Variants in FAM3A observed in about 807,000 individuals in gnomAD.
The protein encoded by FAM3A is protein FAM3A.
In FAM3A, 5 loss-of-function variants were observed where a neutral mutation model predicts 18.1. The observed-to-expected ratio is 0.28, with a 90% CI of 0.14 to 0.58. The LOEUF is 0.58. FAM3A is among the 20% of genes least tolerant of loss of function. The probability of loss-of-function intolerance (pLI) is 0.91; values close to 1 mark genes in which losing one functional copy is unlikely to be tolerated. For missense variants in FAM3A, 154 were observed against 216.6 expected, an observed-to-expected ratio of 0.71 and a Z score of 1.81; for synonymous variants, 108 against 90.2, an observed-to-expected ratio of 1.20 and a Z score of -1.12.
chrX:154,508,714 G>A, intron 3 of FAM3A, 117 bp from the exon 4 acceptor site: 2 of 907,538 alleles, frequency 2.2e-6, no homozygotes, highest in Non-Finnish European at 3.1e-6. Flanking sequence ...CAGGACACAA[G>A]TAGGGGGATG....
chrX:154,507,130 G>A, intron 8 of FAM3A, 73 bp downstream of exon 8: 1 of 1,139,732 alleles, frequency 8.8e-7, no homozygotes, highest in African/African-American at 1.8e-5. Flanking sequence ...GAGCAGCTGG[G>A]GAGGCTCGTC....
At position 154,506,842 on chromosome X, in the gene FAM3A, C is replaced by CCT; in HGVS notation, c.660_661dup (p.Gly221GlufsTer161). The CCT allele has an allele frequency of 8.3e-7, 1 of 1,211,610 alleles. No homozygotes were observed. The highest frequency in any genetic ancestry group is 1.1e-6 in the Non-Finnish European group (1 of 895,044). On this transcript the variant is annotated frameshift_variant, in exon 9 of 9. Transcript: ENST00000447601. LOFTEE classifies it high-confidence loss of function. The stretch of plus-strand genomic sequence containing the variant: ...GGCCGTGCTTCTCCGCGGGATACAG[C>CCT]CTTCCATCTCCAGCGCCTCGGGCCA...
chrX:154,508,186 G>A (rs2069662226), intron 5 of FAM3A, 103 bp downstream of exon 5: 2 of 623,118 alleles, frequency 3.2e-6, no homozygotes, highest in African/African-American at 2.3e-5. Context: ...GGCCTCCCTG[G>A]GAGATCTTGA....
chrX:154,506,856 C>G lies in FAM3A; in HGVS notation c.648G>C (p.Ala216=). The change falls in exon 9 of 9, where the codon GCG becomes GCC. Residue 216 remains alanine, a synonymous_variant. Coordinates refer to ENST00000447601, the MANE Select transcript of FAM3A (RefSeq NM_021806.4). The stretch of plus-strand genomic sequence containing the variant: ...GCGGGATACAGCCTTCCATCTCCAG[C>G]GCCTCGGGCCAGCCTTCGTACTTGT... ...HSNKYEGWPE[A]LEMEGCIPRR... 1 of 1,211,709 alleles carries G rather than the reference C, an allele frequency of 8.3e-7. No homozygotes were observed. Among genetic ancestry groups the G allele is most frequent in the East Asian group, 3.0e-5 (1 of 33,849 alleles).
chrX:154,507,031 GC>G (rs1569555590), intron 8 of FAM3A, 125 bp from the exon 9 acceptor site: 2 of 887,218 alleles, frequency 2.3e-6, no homozygotes, highest in East Asian at 6.8e-5. Flanking sequence ...AGGGCACTTG[GC>G]CCCTCCACCC....
At chrX:154,511,285 G>T (rs2069855830) in intron 3 of FAM3A, 1 of 112,109 alleles carries the variant, frequency 8.9e-6, no homozygotes. Flanking sequence ...CAATGAAGAT[G>T]GGGTTATCTA....
rs1557219938 is a variant in FAM3A, at chrX:154,507,816, G to T, written c.380C>A (p.Ala127Asp). 1 of 1,191,575 alleles carries T rather than the reference G, an allele frequency of 8.4e-7. No homozygotes were observed. The highest frequency in any genetic ancestry group is 1.1e-6 in the Non-Finnish European group (1 of 885,269). The change falls in exon 6 of 9, where the codon GCC (alanine) becomes GAC (aspartate). Residue 127 changes from alanine (A) to aspartate (D), a missense_variant. This residue lies in a region of FAM3A where 112 missense variants were observed against 160.0 expected (regional missense o/e 0.70). Transcript: ENST00000447601. The stretch of plus-strand genomic sequence containing the variant: ...GACGCTGCGCTGCAACTCACCTCCG[G>T]CCCACATGTCAAAGGCCCGGGCCTC... ...LIEARAFDMW[A>D]GDVNDLLKFI...
chrX:154,512,054 C>T (rs782075598), intron 2 of FAM3A, among the ~76,000 whole-genome samples, 183 bp from the exon 3 acceptor site: 22 of 109,988 alleles, frequency 2.0e-4, no homozygotes, highest in African/African-American at 7.0e-4. Flanking sequence ...TGAAAAACTC[C>T]CTACTCTAGG....
At chrX:154,507,118 G>A (rs191908986) in intron 8 of FAM3A, 85 bp downstream of exon 8, 1,250 of 1,106,575 alleles carry the variant, frequency 1.1e-3, no homozygotes, top group Non-Finnish European at 1.2e-3. Flanking sequence ...CTGCTGGGGC[G>A]TGAGCAGCTG....
At position 154,507,500 on chromosome X, in the gene FAM3A, C is replaced by T; in HGVS notation, c.386-10G>A. 8.3e-7 allele frequency: 1 copy of T among 1,205,474 alleles called. No individual in the cohort carries two copies. Among genetic ancestry groups the T allele is most frequent in the South Asian group, 1.8e-5 (1 of 56,575 alleles). ...AACAGGTCGTTGACATCTGGGGGGG[C>T]AGGTGCCACGGAACAGGGGTCATCA... On this transcript the variant is annotated splice_polypyrimidine_tract_variant and intron_variant, in intron 6 of 8. Coordinates refer to ENST00000447601, the MANE Select transcript of FAM3A (RefSeq NM_021806.4).
chrX:154,506,786 C>A lies in FAM3A; in HGVS notation c.*25G>T, dbSNP rs906021968. 1 of 1,189,455 alleles carries A rather than the reference C, an allele frequency of 8.4e-7. No homozygotes were observed. Among genetic ancestry groups the A allele is most frequent in the South Asian group, 1.8e-5 (1 of 56,317 alleles). Reference sequence around the variant, plus strand: ...GTGCCTCCCTTGGTCTGGCCTCCCTCGGCCCGGTCCTGGCACTGGCCGTGC... The same window carrying A: ...GTGCCTCCCTTGGTCTGGCCTCCCTAGGCCCGGTCCTGGCACTGGCCGTGC... On this transcript the variant is annotated 3_prime_UTR_variant, in exon 9 of 9. Coordinates refer to ENST00000447601, the MANE Select transcript of FAM3A (RefSeq NM_021806.4).
In FAM3A at chrX:154,507,864, G is replaced by C; in HGVS notation, c.335-3C>G. ...CTCGATGAGCTCGCCGCTGACCCCT[G>C]TGTCAGGAGGGAGGGGCCCTGCTGG... On this transcript the variant is annotated splice_region_variant and splice_polypyrimidine_tract_variant and intron_variant, in intron 5 of 8. Transcript: ENST00000447601. The C allele has an allele frequency of 8.4e-7, 1 of 1,190,396 alleles. No individual in the cohort carries two copies. The highest frequency in any genetic ancestry group is 3.0e-5 in the East Asian group (1 of 33,019).
chrX:154,507,936 G>A (rs1199560411), intron 5 of FAM3A, 75 bp from the exon 6 acceptor site: 26 of 902,423 alleles, frequency 2.9e-5, no homozygotes, highest in African/African-American at 4.0e-5. Flanking sequence ...AGCACCGGGG[G>A]TGGGGGGCAG....
At chrX:154,512,355 C>A in intron 2 of FAM3A, 1 of 255,744 alleles carries the variant, frequency 3.9e-6, no homozygotes, top group Non-Finnish European at 7.1e-6. Context: ...ACTAGAATCG[C>A]TTGAACCCAG....
chrX:154,507,754 A>T, intron 6 of FAM3A, 57 bp downstream of exon 6: 1 of 1,066,845 alleles, frequency 9.4e-7, no homozygotes, highest in South Asian at 2.0e-5. Flanking sequence ...GTCTCAGGGG[A>T]AGCTGCCCAG....
chrX:154,508,370 G>GGGCCCCCCCCCCCCC, intron 4 of FAM3A, 23 bp from the exon 5 acceptor site: 1 of 317,059 alleles, frequency 3.2e-6, no homozygotes, highest in Non-Finnish European at 5.6e-6. Context: ...GGGTGGGGGG[G>GGGCCCCCCCCCCCCC]ACGGGGAGAT....
In FAM3A at chrX:154,507,815, G is replaced by A. The variant is rs782191782; in HGVS notation, c.381C>T (p.Ala127=). ...LIEARAFDMW[A]GDVNDLLKFI... ...AGACGCTGCGCTGCAACTCACCTCC[G>A]GCCCACATGTCAAAGGCCCGGGCCT... is the stretch of plus-strand genomic sequence containing the variant. Residue 127 remains alanine, a synonymous_variant, in exon 6 of 9, where the codon GCC becomes GCT. Transcript: ENST00000447601. The A allele has an allele frequency of 1.2e-5, 14 of 1,189,754 alleles. No individual in the cohort carries two copies. Among genetic ancestry groups the A allele is most frequent in the South Asian group, 5.5e-5 (3 of 54,195 alleles).
chrX:154,512,396 A>G, intron 2 of FAM3A: 1 of 234,506 alleles, frequency 4.3e-6, no homozygotes, highest in Non-Finnish European at 7.8e-6. Flanking sequence ...CCGAGATTGC[A>G]CCACTGCACT....
chrX:154,511,096 G>A (rs1557222392), intron 3 of FAM3A: 1 of 111,291 alleles, frequency 9.0e-6, no homozygotes, highest in African/African-American at 3.3e-5. Flanking sequence ...GAGACATAAG[G>A]AAGAAACTGT....
Sources: gnomAD v4.1 joint callset for allele counts (sites outside exome capture counted in the v4.1 genomes callset) on GRCh38, gnomAD v4.1.1 for gene constraint, gnomAD v4.1.1 regional missense constraint, MANE v1.5 for transcripts, NCBI Gene and HGNC (gene_info 2026-07-23, HGNC 2026-07-21) for gene names.